OSBPL8: variants seen among roughly 807,000 people sequenced by gnomAD.
OSBPL8 encodes the protein oxysterol binding protein like 8.
OSBPL8 carries 59 observed loss-of-function variants against 125.5 expected under a neutral mutation model. That is an observed-to-expected ratio of 0.47 (90% CI 0.38 to 0.58). The LOEUF (loss-of-function observed/expected upper bound fraction) is 0.58, where lower values mean the gene tolerates loss of function less well. Among genes scored for constraint, OSBPL8 ranks in the 20% least tolerant of loss-of-function variants. The probability of loss-of-function intolerance (pLI) is 0.00; values close to 1 mark genes in which losing one functional copy is unlikely to be tolerated. For synonymous variants in OSBPL8, 330 were observed against 338.9 expected, an observed-to-expected ratio of 0.97 and a Z score of 0.29; for missense variants, 758 against 1,047.8, an observed-to-expected ratio of 0.72 and a Z score of 3.82.
In OSBPL8 at chr12:76,450,415, T is replaced by C. The variant is rs766241538; in HGVS notation, c.217+436A>G. Among the ~76,000 whole-genome samples the C allele has an allele frequency of 2.2e-4, 33 of 152,338 alleles. 1 individual carries two copies. The highest frequency in any genetic ancestry group is 4.1e-4 in the Non-Finnish European group (28 of 68,030). ...GAGGGAAAGAAAACACTGTAGTTCT[T>C]AATAAAAATGTTACTTACATTAACA... On this transcript the variant is annotated intron_variant, in intron 4 of 23. Coordinates refer to ENST00000261183, the MANE Select transcript of OSBPL8 (RefSeq NM_020841.5).
chr12:76,459,465 T>C lies in OSBPL8; in HGVS notation c.79+394A>G, dbSNP rs543583591. Among the ~76,000 whole-genome samples, 50 of 152,326 alleles carry C rather than the reference T, an allele frequency of 3.3e-4. 2 individuals are homozygous for C. The South Asian group carries it at 9.7e-3, about 30-fold the overall frequency. On this transcript the variant is annotated intron_variant, in intron 3 of 23. Transcript: ENST00000261183. ...GTATAAAACAATTTTCGTAATCAAA[T>C]TATTATGTAAAAATTCTGACAAAAT...
intron 4 of OSBPL8, among the ~76,000 whole-genome samples, chr12:76,440,294 C>T (rs985665561): frequency 2.2e-4 from 33 of 152,020 alleles, no homozygotes; most frequent in African/African-American, 7.2e-4. Context: ...CGTTATCCCA[C>T]GTATTGATGA....
At chr12:76,391,236 G>C (rs959158714) in intron 10 of OSBPL8, among the ~76,000 whole-genome samples, 19 of 152,106 alleles carry the variant, frequency 1.2e-4, no homozygotes, top group African/African-American at 4.6e-4. Context: ...AAAATCCAGA[G>C]AGAATTAAAA....
intron 21 of OSBPL8, among the ~76,000 whole-genome samples, chr12:76,360,417 C>A (rs1952153671): frequency 6.6e-6 from 1 of 152,204 alleles, no homozygotes; most frequent in African/African-American, 2.4e-5. Context: ...TGCAGGGTAT[C>A]CCCTCCTGGC....
intron 21 of OSBPL8, chr12:76,366,625 G>A (rs1485855602): frequency 6.9e-6 from 3 of 435,530 alleles, no homozygotes; most frequent in African/African-American, 2.1e-5. Context: ...CTCACGGAAT[G>A]AAGTAAGGTT....
intron 4 of OSBPL8, chr12:76,422,919 G>GTTT (rs1318770687): frequency 3.5e-5 from 7 of 198,766 alleles, no homozygotes; most frequent in African/African-American, 1.6e-4. Context: ...TTCTACTAAT[G>GTTT]TTTTACCTTT....
At chr12:76,526,359 C>T (rs1056252144) in intron 1 of OSBPL8, among the ~76,000 whole-genome samples, 7 of 152,050 alleles carry the variant, frequency 4.6e-5, no homozygotes, top group African/African-American at 1.7e-4. Context: ...CAGCCACATA[C>T]TTTAATTATG....
chr12:76,434,559 G>A (rs1317750078), intron 4 of OSBPL8, among the ~76,000 whole-genome samples: 2 of 151,892 alleles, frequency 1.3e-5, no homozygotes, highest in African/African-American at 4.8e-5. Flanking sequence ...ATAGTGAAAT[G>A]GCAACTGAAA....
chr12:76,432,098 G>A lies in OSBPL8; in HGVS notation c.217+18753C>T, dbSNP rs117155420. On this transcript the variant is annotated intron_variant, in intron 4 of 23. Transcript: ENST00000261183. ...ATCAACTACTTACTGTTAAGTAATC[G>A]ATAACAGTAAGAAAACAGAAAAATC... Among the ~76,000 whole-genome samples, 97 of 152,148 alleles carry A rather than the reference G, an allele frequency of 6.4e-4. No homozygotes were observed. The East Asian group carries it at 0.015, about 24-fold the overall frequency.
chr12:76,436,943 C>T (rs1871530765), intron 4 of OSBPL8, among the ~76,000 whole-genome samples: 1 of 152,096 alleles, frequency 6.6e-6, no homozygotes, highest in Admixed American at 6.5e-5. Context: ...TTAAACTTTA[C>T]ATAAATGTCT....
At chr12:76,356,602 T>G (rs1951996200) in intron 23 of OSBPL8, 24 bp downstream of exon 23, 3 of 1,421,638 alleles carry the variant, frequency 2.1e-6, no homozygotes, top group Non-Finnish European at 3.0e-6. Context: ...CTCAAATGAA[T>G]AGTCAGTGTC....
At chr12:76,418,009 C>T (rs1868934358) in intron 4 of OSBPL8, among the ~76,000 whole-genome samples, 1 of 131,678 alleles carries the variant, frequency 7.6e-6, no homozygotes, top group African/African-American at 2.7e-5. Flanking sequence ...ATTTTCACTA[C>T]CTTTTTTTTT....
intron 4 of OSBPL8, among the ~76,000 whole-genome samples, chr12:76,413,766 C>A (rs2136438891): frequency 6.6e-6 from 1 of 151,766 alleles, no homozygotes; most frequent in South Asian, 2.1e-4. Flanking sequence ...TGTCTTCAGA[C>A]CTTTTGTACA....
At chr12:76,505,674 T>C (rs1880341623) in intron 1 of OSBPL8, among the ~76,000 whole-genome samples, 1 of 151,864 alleles carries the variant, frequency 6.6e-6, no homozygotes, top group Non-Finnish European at 1.5e-5. Context: ...GCAATTCAAA[T>C]GACTAGAAGA....
rs1321262645 is a variant in OSBPL8 at position 76,411,425 on chromosome 12, G to A, written c.218-791C>T. On this transcript the variant is annotated intron_variant, in intron 4 of 23. Transcript: ENST00000261183. ...TCTTCCCTATAATTATTTGTTCAGA[G>A]TCCAATAAAAGCCTATATTTTAAAA... 2.6e-5 allele frequency among the ~76,000 whole-genome samples: 4 copies of A among 152,060 alleles called. No homozygotes were observed. In the East Asian group the frequency reaches 5.8e-4, roughly 22 times the overall value.
Position 76,486,058 on chromosome 12 carries a change from T to C in OSBPL8, c.42+1452A>G, listed in dbSNP as rs191341394. On this transcript the variant is annotated intron_variant, in intron 2 of 23. Transcript: ENST00000261183. ...ACCATCCGTTTTTCATTTAAATCAA[T>C]GTGACAACAGCCTTCTTCATAAGCC... 113 of 432,936 alleles carry C rather than the reference T, an allele frequency of 2.6e-4. No individual in the cohort carries two copies. In the East Asian group the frequency reaches 6.0e-3, roughly 23 times the overall value. The allele number at this position is 432,936 out of a possible 1,614,324, so 26.8% of individuals were successfully genotyped here.
At chr12:76,478,856 C>A (rs181615104) in intron 2 of OSBPL8, among the ~76,000 whole-genome samples, 1 of 152,030 alleles carries the variant, frequency 6.6e-6, no homozygotes, top group African/African-American at 2.4e-5. Flanking sequence ...GAGGCCGAGG[C>A]GGGTGGATCA....
chr12:76,510,890 A>AT (rs1221147393), intron 1 of OSBPL8, among the ~76,000 whole-genome samples: 3 of 144,666 alleles, frequency 2.1e-5, no homozygotes, highest in African/African-American at 7.6e-5. Flanking sequence ...TCAAAAAAAA[A>AT]AAAAAAAATA....
At chr12:76,500,717 CTTTTTTCTT>C (rs951306294) in intron 1 of OSBPL8, among the ~76,000 whole-genome samples, 3 of 152,010 alleles carry the variant, frequency 2.0e-5, no homozygotes, top group Non-Finnish European at 2.9e-5. Flanking sequence ...GATTTTCCTT[CTTTTTTCTT>C]TTTTTTCTTT....
Sources: allele counts gnomAD v4.1 joint callset (sites outside exome capture counted in the v4.1 genomes callset), GRCh38; gene constraint gnomAD v4.1.1; transcripts MANE v1.5; gene names NCBI Gene and HGNC (gene_info 2026-07-23, HGNC 2026-07-21).